The following GLI3 variants were observed in gnomAD, a reference collection of about 807,000 sequenced individuals.
GLI3 encodes transcription activator GLI3.
A neutral mutation model predicts 100.8 loss-of-function variants in GLI3; 20 were observed. The ratio of observed to expected loss-of-function variants is 0.20; its 90% confidence interval spans 0.14 to 0.29. The LOEUF (loss-of-function observed/expected upper bound fraction) is 0.29, where lower values mean the gene tolerates loss of function less well. Ranked by LOEUF, GLI3 falls within the 10% of genes least tolerant of loss-of-function variation. The pLI is 1.00. For synonymous variants in GLI3, 938 were observed against 860.5 expected (o/e 1.09, Z -1.58); for missense variants, 2,040 against 2,128.5 (o/e 0.96, Z 0.82).
rs143894418 is a variant in GLI3 at position 42,005,144 on chromosome 7, A to G, written c.1497+18324T>C. Among the ~76,000 whole-genome samples the G allele has an allele frequency of 6.5e-3, 991 of 152,286 alleles. 16 individuals are homozygous for G. The highest frequency in any genetic ancestry group is 0.023 in the African/African-American group (952 of 41,554). On this transcript the variant is annotated intron_variant, in intron 10 of 14. Coordinates refer to ENST00000395925, the MANE Select transcript of GLI3 (RefSeq NM_000168.6). ...TTTTTAGAAATACATGAAGACAAAA[A>G]TATTTTAAAATATTAATATTTTAAT... is the stretch of plus-strand genomic sequence containing the variant.
intron 3 of GLI3, among the ~76,000 whole-genome samples, chr7:42,085,989 G>A (rs1364168978): frequency 7.9e-5 from 12 of 152,316 alleles, no homozygotes; most frequent in Non-Finnish European, 1.6e-4. Flanking sequence ...CAGGCAAGAA[G>A]CTCTGAAGGA....
In GLI3 at chr7:41,961,662, C is replaced by A. The variant is rs1465597123; in HGVS notation, c.*2668G>T. 2 of 152,212 alleles carry A rather than the reference C, an allele frequency of 1.3e-5. No individual in the cohort carries two copies. Among genetic ancestry groups the A allele is most frequent in the South Asian group, 2.1e-4 (1 of 4,814 alleles). The allele number at this position is 152,212 out of a possible 1,614,324, so 9.4% of individuals were successfully genotyped here. A position where few individuals can be genotyped will look rare whatever the true frequency, so the allele number is the denominator to read the frequency against. ...GGTGACACTAGTGAGGCGGTCCTCTCGCTCTAAAATGCATAGGTTAGAGAA... is the reference window on the plus strand; with the variant it reads ...GGTGACACTAGTGAGGCGGTCCTCTAGCTCTAAAATGCATAGGTTAGAGAA... On this transcript the variant is annotated 3_prime_UTR_variant, in exon 15 of 15. Transcript: ENST00000395925.
In GLI3 at chr7:41,966,217, G is replaced by C. The variant is rs1214730213; in HGVS notation, c.2856C>G (p.Ser952Arg). The C allele has an allele frequency of 1.9e-6, 3 of 1,608,304 alleles. No individual in the cohort carries two copies. The highest frequency in any genetic ancestry group is 2.5e-6 in the Non-Finnish European group (3 of 1,178,966). Reference sequence around the variant, plus strand: ...CGAGCAGCGCCAGGCGCGTCTTCAGGCTCATCCTCTCCATGTTGGGCAGGG... The same window carrying C: ...CGAGCAGCGCCAGGCGCGTCTTCAGCCTCATCCTCTCCATGTTGGGCAGGG... ...PTPLPNMERM[S>R]LKTRLALLGD... The change falls in exon 15 of 15, where the codon AGC becomes AGG. Residue 952 changes from serine (S) to arginine (R), a missense_variant. This residue lies in a region of GLI3 where 1,041 missense variants were observed against 924.0 expected (regional missense o/e 1.13). Transcript: ENST00000395925. This position sits in a 1 kb window ranked among gnomAD's most constrained non-coding sequence, Gnocchi z 5.8.
chr7:42,212,750 C>A (rs1049638947), intron 2 of GLI3, among the ~76,000 whole-genome samples: 3 of 152,220 alleles, frequency 2.0e-5, no homozygotes, highest in East Asian at 3.8e-4. Context: ...GCTCCTCTTT[C>A]AAGCTCAGAT....
chr7:42,086,938 A>C (rs1785114402), intron 3 of GLI3, among the ~76,000 whole-genome samples: 1 of 152,040 alleles, frequency 6.6e-6, no homozygotes, highest in Non-Finnish European at 1.5e-5. Context: ...AGCACACCAC[A>C]CTGCCTTTCC....
chr7:42,031,488 C>T (rs972606166), intron 7 of GLI3, among the ~76,000 whole-genome samples: 21 of 152,190 alleles, frequency 1.4e-4, no homozygotes, highest in African/African-American at 5.1e-4. Flanking sequence ...ACAGCCCAGG[C>T]CTGTTTCTCT....
intron 6 of GLI3, among the ~76,000 whole-genome samples, chr7:42,042,138 G>A (rs1321825522): frequency 2.0e-5 from 3 of 149,954 alleles, no homozygotes; most frequent in South Asian, 2.1e-4. Context: ...TTAGCCTCCC[G>A]AGTAGCTGGG....
At chr7:42,222,303 A>C (rs1018768698) in intron 2 of GLI3, among the ~76,000 whole-genome samples, 1 of 152,202 alleles carries the variant, frequency 6.6e-6, no homozygotes, top group Non-Finnish European at 1.5e-5. Context: ...AACGAGGAAA[A>C]CGGGCCAGCT....
At chr7:42,159,143 CAAAA>C (rs948887885) in intron 2 of GLI3, among the ~76,000 whole-genome samples, 1 of 151,626 alleles carries the variant, frequency 6.6e-6, no homozygotes, top group African/African-American at 2.4e-5. Flanking sequence ...AACAAACAAA[CAAAA>C]AAAACACTGT....
chr7:42,136,371 G>A (rs1338163903), intron 3 of GLI3, among the ~76,000 whole-genome samples: 4 of 152,180 alleles, frequency 2.6e-5, no homozygotes, highest in African/African-American at 9.7e-5. Flanking sequence ...CCAGCACCAT[G>A]AGCAGGCTGT....
rs151286742 is a variant in GLI3, at chr7:42,172,062, T to C, written c.125-23594A>G. On this transcript the variant is annotated intron_variant, in intron 2 of 14. Transcript: ENST00000395925. ...GCTATGGGTTTTGAACAGAAAAGTATATTTCCTTCTAGTCTTTTCTCTACT... is the reference window on the plus strand; with the variant it reads ...GCTATGGGTTTTGAACAGAAAAGTACATTTCCTTCTAGTCTTTTCTCTACT... 4.1e-3 allele frequency among the ~76,000 whole-genome samples: 613 copies of C among 151,258 alleles called. 1 individual carries two copies. The highest frequency in any genetic ancestry group is 0.014 in the African/African-American group (565 of 41,148).
intron 2 of GLI3, among the ~76,000 whole-genome samples, chr7:42,206,340 T>C (rs1788152913): frequency 6.6e-6 from 1 of 151,936 alleles, no homozygotes; most frequent in African/African-American, 2.4e-5. Flanking sequence ...TCATGACGTA[T>C]TTCAGAGAAT....
At chr7:42,253,697 A>G (rs1789056348) in intron 1 of GLI3, among the ~76,000 whole-genome samples, 1 of 152,150 alleles carries the variant, frequency 6.6e-6, no homozygotes, top group Non-Finnish European at 1.5e-5. Flanking sequence ...TCTCATCTGT[A>G]AGGTCCTAGG....
At chr7:42,126,071 T>C (rs886945546) in intron 3 of GLI3, among the ~76,000 whole-genome samples, 2 of 152,090 alleles carry the variant, frequency 1.3e-5, no homozygotes, top group African/African-American at 4.8e-5. Flanking sequence ...GAGAAAAATA[T>C]TTAAAACACA....
intron 11 of GLI3, chr7:41,978,032 C>T (rs1787556208): frequency 1.4e-5 from 6 of 440,594 alleles, no homozygotes; most frequent in South Asian, 1.1e-4. Context: ...TCAGATTCAG[C>T]ACAAAGTTCA....
chr7:42,170,168 G>A (rs973158989), intron 2 of GLI3, among the ~76,000 whole-genome samples: 8 of 149,734 alleles, frequency 5.3e-5, no homozygotes, highest in African/African-American at 2.0e-4. Flanking sequence ...ACGAGAATCA[G>A]TTGAGCCCAG....
chr7:42,177,922 T>G (rs1787512766), intron 2 of GLI3, among the ~76,000 whole-genome samples: 1 of 152,176 alleles, frequency 6.6e-6, no homozygotes, highest in Admixed American at 6.5e-5. Context: ...CCATGAACAT[T>G]CACGCAACCC....
intron 3 of GLI3, among the ~76,000 whole-genome samples, chr7:42,100,695 T>A (rs989827911): frequency 5.9e-5 from 9 of 152,144 alleles, no homozygotes; most frequent in Admixed American, 5.9e-4. Flanking sequence ...TGAGCTGAGA[T>A]TGCACCACTG....
At chr7:42,003,570 A>G (rs965816798) in intron 10 of GLI3, among the ~76,000 whole-genome samples, 3 of 152,228 alleles carry the variant, frequency 2.0e-5, no homozygotes, top group Admixed American at 1.3e-4. Flanking sequence ...AAATAACCAC[A>G]GTTTGATAAT....
Sources: allele counts gnomAD v4.1 joint callset (sites outside exome capture counted in the v4.1 genomes callset), GRCh38; gene constraint gnomAD v4.1.1; regional missense constraint gnomAD v4.1.1; non-coding constraint Gnocchi (gnomAD v3.1); transcripts MANE v1.5; gene names NCBI Gene and HGNC (gene_info 2026-07-23, HGNC 2026-07-21).